The following DLG2 variants were observed in gnomAD, a reference collection of about 807,000 sequenced individuals.
The protein encoded by DLG2 is discs large MAGUK scaffold protein 2.
In DLG2, 45 loss-of-function variants were observed where a neutral mutation model predicts 132.5. The observed-to-expected ratio is 0.34, with a 90% CI of 0.27 to 0.44. The LOEUF (loss-of-function observed/expected upper bound fraction) is 0.44. Ranked by LOEUF, DLG2 falls within the 20% of genes least tolerant of loss-of-function variation. The pLI is 1.00. For synonymous variants in DLG2, 424 were observed against 419.6 expected, an observed-to-expected ratio of 1.01 and a Z score of -0.13; for missense variants, 1,045 against 1,196.9, an observed-to-expected ratio of 0.87 and a Z score of 1.87.
chr11:83,977,348 A>G (rs2092362233), intron 12 of DLG2, among the ~76,000 whole-genome samples: 1 of 151,952 alleles, frequency 6.6e-6, no homozygotes, highest in South Asian at 2.1e-4. Flanking sequence ...CAAGAGTATG[A>G]GCTATTAAGA....
In DLG2 at chr11:83,499,020, G is replaced by A. The variant is rs541523762; in HGVS notation, c.2194-14792C>T. Among the ~76,000 whole-genome samples, 106 of 152,010 alleles carry A rather than the reference G, an allele frequency of 7.0e-4. 1 individual carries two copies. In the Middle Eastern group the frequency reaches 0.037, roughly 54 times the overall value. On this transcript the variant is annotated intron_variant, in intron 21 of 27. Transcript: ENST00000376104. ...AATTGAATCAAGAAAAAATTAAAAC[G>A]CAGAATAGACCTATAACAAGTAAAG...
intron 11 of DLG2, among the ~76,000 whole-genome samples, chr11:84,033,121 G>A (rs2095754308): frequency 6.6e-6 from 1 of 152,072 alleles, no homozygotes; most frequent in South Asian, 2.1e-4. Context: ...TGGATCAAGG[G>A]GTAATTTTAA....
intron 3 of DLG2, among the ~76,000 whole-genome samples, chr11:85,541,959 G>C (rs752002306): frequency 3.3e-5 from 5 of 152,156 alleles, no homozygotes; most frequent in Middle Eastern, 3.4e-3. Context: ...TGCTATTGCT[G>C]AAAGCCTCAC....
At chr11:85,558,930 G>A (rs1259288639) in intron 3 of DLG2, among the ~76,000 whole-genome samples, 1 of 151,680 alleles carries the variant, frequency 6.6e-6, no homozygotes, top group Non-Finnish European at 1.5e-5. Context: ...TGTACCATCT[G>A]AATCTAAAAT....
At chr11:84,671,275 A>T (rs1300140673) in intron 6 of DLG2, among the ~76,000 whole-genome samples, 1 of 151,398 alleles carries the variant, frequency 6.6e-6, no homozygotes, top group Admixed American at 6.6e-5. Flanking sequence ...ATTTTTTTAA[A>T]TTTTTTTTGT....
chr11:85,531,232 C>T (rs564771301), intron 3 of DLG2, among the ~76,000 whole-genome samples: 1 of 152,224 alleles, frequency 6.6e-6, no homozygotes, highest in African/African-American at 2.4e-5. Context: ...TTGTTATTCC[C>T]TTATCCTACA....
intron 6 of DLG2, among the ~76,000 whole-genome samples, chr11:84,780,564 T>C (rs1289945010): frequency 1.3e-5 from 2 of 152,138 alleles, no homozygotes; most frequent in Non-Finnish European, 2.9e-5. Flanking sequence ...TGTAACATTT[T>C]TTCATTCTCA....
chr11:85,012,439 G>A (rs900680117), intron 6 of DLG2, among the ~76,000 whole-genome samples: 4 of 151,812 alleles, frequency 2.6e-5, no homozygotes, highest in East Asian at 3.9e-4. Flanking sequence ...CAGGAGAATC[G>A]CTTGAACCTG....
chr11:83,633,883 CTG>C (rs1483333418), intron 18 of DLG2, among the ~76,000 whole-genome samples: 1 of 151,410 alleles, frequency 6.6e-6, no homozygotes, highest in African/African-American at 2.4e-5. Context: ...TTGGGAGAAA[CTG>C]AGTAAAATAG....
rs996789563 is a variant in DLG2 at position 83,457,838 on chromosome 11, T to A, written c.*1980A>T. On this transcript the variant is annotated 3_prime_UTR_variant, in exon 28 of 28. Transcript: ENST00000376104. ...TAAGGAAGTCTCTGGAAATTTAACTTTCATGAGAGGGAGAATGCATTGCTA... is the reference window on the plus strand; with the variant it reads ...TAAGGAAGTCTCTGGAAATTTAACTATCATGAGAGGGAGAATGCATTGCTA... The A allele has an allele frequency of 7.9e-5, 12 of 152,550 alleles. No homozygotes were observed. The highest frequency in any genetic ancestry group is 2.9e-4 in the African/African-American group (12 of 41,402). The allele number at this position is 152,550 out of a possible 1,614,324, so 9.4% of individuals were successfully genotyped here.
At chr11:85,530,597 A>T (rs1355228607) in intron 3 of DLG2, among the ~76,000 whole-genome samples, 1 of 152,168 alleles carries the variant, frequency 6.6e-6, no homozygotes, top group African/African-American at 2.4e-5. Flanking sequence ...CTGGGATTAC[A>T]GGTACGAGCC....
intron 6 of DLG2, among the ~76,000 whole-genome samples, chr11:84,792,541 C>A (rs2074008417): frequency 6.6e-6 from 1 of 151,742 alleles, no homozygotes; most frequent in African/African-American, 2.4e-5. Flanking sequence ...AGTAGTGAAA[C>A]CATTGGGTAC....
At chr11:83,901,347 T>A (rs910885913) in intron 15 of DLG2, among the ~76,000 whole-genome samples, 1 of 152,120 alleles carries the variant, frequency 6.6e-6, no homozygotes, top group African/African-American at 2.4e-5. Context: ...AGGGGCAGAA[T>A]GATATGGTTT....
intron 6 of DLG2, among the ~76,000 whole-genome samples, chr11:85,019,175 G>A (rs2059820568): frequency 6.6e-6 from 1 of 152,194 alleles, no homozygotes; most frequent in Non-Finnish European, 1.5e-5. Context: ...TTTGGAGACA[G>A]TTGATGAAAA....
intron 3 of DLG2, among the ~76,000 whole-genome samples, chr11:85,386,001 T>C (rs951455444): frequency 6.6e-6 from 1 of 152,232 alleles, no homozygotes; most frequent in African/African-American, 2.4e-5. Context: ...GGAGAATTAG[T>C]CTTTTAATTG....
At chr11:84,238,286 G>A (rs1175886292) in intron 8 of DLG2, among the ~76,000 whole-genome samples, 1 of 152,096 alleles carries the variant, frequency 6.6e-6, no homozygotes, top group Non-Finnish European at 1.5e-5. Flanking sequence ...AGGCCGAGGT[G>A]TGCGGATTGC....
At chr11:83,950,856 C>T (rs1056973860) in intron 14 of DLG2, among the ~76,000 whole-genome samples, 2 of 152,098 alleles carry the variant, frequency 1.3e-5, no homozygotes, top group African/African-American at 2.4e-5. Flanking sequence ...ACATAGCTTT[C>T]AGTACTGCTC....
chr11:83,487,296 G>C (rs2093578009), intron 21 of DLG2, among the ~76,000 whole-genome samples: 1 of 147,152 alleles, frequency 6.8e-6, no homozygotes, highest in Non-Finnish European at 1.5e-5. Flanking sequence ...AAAATGTTGA[G>C]TTCTAACTAT....
chr11:84,061,523 T>C (rs1894172), intron 10 of DLG2, among the ~76,000 whole-genome samples: 120,883 of 152,116 alleles, frequency 0.79, 49,264 homozygotes, highest in Middle Eastern at 0.92. Flanking sequence ...ATTTCAGGTC[T>C]TCCTATTTCA....
Sources: gnomAD v4.1 joint callset for allele counts (sites outside exome capture counted in the v4.1 genomes callset) on GRCh38, gnomAD v4.1.1 for gene constraint, MANE v1.5 for transcripts, NCBI Gene and HGNC (gene_info 2026-07-23, HGNC 2026-07-21) for gene names.